The following CDK5RAP2 variants were observed in gnomAD, a reference collection of about 807,000 sequenced individuals.
The protein encoded by CDK5RAP2 is CDK5 regulatory subunit-associated protein 2.
CDK5RAP2 carries 147 observed loss-of-function variants against 232.9 expected under a neutral mutation model. The observed-to-expected ratio is 0.63, with a 90% confidence interval of 0.55 to 0.72. The LOEUF is 0.72. CDK5RAP2 is among the 30% of genes least tolerant of loss of function. The probability of loss-of-function intolerance (pLI) is 0.00; values close to 1 mark genes in which losing one functional copy is unlikely to be tolerated. For synonymous variants in CDK5RAP2, 833 were observed against 833.7 expected (o/e 1.00, Z 0.01); for missense variants, 2,195 against 2,231.5 (o/e 0.98, Z 0.33).
intron 7 of CDK5RAP2, among the ~76,000 whole-genome samples, chr9:120,535,975 C>T (rs1186012303): frequency 6.6e-6 from 1 of 152,218 alleles, no homozygotes; most frequent in Admixed American, 6.5e-5. Flanking sequence ...GAAATTTCCT[C>T]TGATAGTGCC....
At chr9:120,426,886 T>C (rs1392939752) in intron 25 of CDK5RAP2, among the ~76,000 whole-genome samples, 4 of 152,224 alleles carry the variant, frequency 2.6e-5, no homozygotes, top group Non-Finnish European at 5.9e-5. Context: ...AGGATCTCTA[T>C]TTTAGTGTTA....
chr9:120,531,130 A>G (rs889230148), intron 7 of CDK5RAP2, among the ~76,000 whole-genome samples: 1 of 151,848 alleles, frequency 6.6e-6, no homozygotes, highest in Non-Finnish European at 1.5e-5. Context: ...CTCATCTCTC[A>G]CGGGAAACCA....
intron 12 of CDK5RAP2, among the ~76,000 whole-genome samples, chr9:120,496,562 G>A (rs1286411431): frequency 1.1e-4 from 17 of 151,094 alleles, no homozygotes; most frequent in African/African-American, 4.1e-4. Context: ...AGGGAGGTGG[G>A]GGGGTCGGCC....
intron 7 of CDK5RAP2, 118 bp downstream of exon 7, chr9:120,536,254 C>T: frequency 8.9e-7 from 1 of 1,126,020 alleles, no homozygotes; most frequent in Non-Finnish European, 1.3e-6. Context: ...ATTAGTCACT[C>T]AAGTCCTATG....
At chr9:120,425,478 G>A (rs7850109) in intron 25 of CDK5RAP2, among the ~76,000 whole-genome samples, 4 of 152,174 alleles carry the variant, frequency 2.6e-5, no homozygotes, top group Admixed American at 2.6e-4. Flanking sequence ...GATGTGTAGT[G>A]TGAGACAATA....
intron 3 of CDK5RAP2, among the ~76,000 whole-genome samples, chr9:120,552,470 T>C (rs1232354425): frequency 6.6e-6 from 1 of 151,922 alleles, no homozygotes; most frequent in Non-Finnish European, 1.5e-5. Context: ...TAGACTGGAT[T>C]AAGAAAATGT....
chr9:120,546,780 T>G lies in CDK5RAP2; in HGVS notation c.307-990A>C, dbSNP rs888890707. On this transcript the variant is annotated intron_variant, in intron 4 of 37. Coordinates refer to ENST00000349780, the MANE Select transcript of CDK5RAP2 (RefSeq NM_018249.6). ...TCCTGAGTATCTGGGACTATAGGCG[T>G]GCACTGCCACACCCGTCTTTTCGTT... Among the ~76,000 whole-genome samples, 4 of 152,106 alleles carry G rather than the reference T, an allele frequency of 2.6e-5. No homozygotes were observed. The South Asian group carries it at 6.2e-4, about 24-fold the overall frequency.
chr9:120,524,638 A>T (rs1204586764), intron 11 of CDK5RAP2, among the ~76,000 whole-genome samples: 1 of 138,582 alleles, frequency 7.2e-6, no homozygotes, highest in Non-Finnish European at 1.5e-5. Context: ...ACTCTGTCTT[A>T]AAAAAAAAAA....
intron 10 of CDK5RAP2, among the ~76,000 whole-genome samples, chr9:120,526,031 T>C (rs913398821): frequency 6.6e-6 from 1 of 152,228 alleles, no homozygotes; most frequent in South Asian, 2.1e-4. Context: ...CAACTATTCC[T>C]TCTGTCCCCT....
intron 11 of CDK5RAP2, among the ~76,000 whole-genome samples, chr9:120,524,635 C>CT (rs1251738062): frequency 1.3e-5 from 2 of 148,896 alleles, no homozygotes; most frequent in Admixed American, 1.3e-4. Context: ...GGGACTCTGT[C>CT]TTAAAAAAAA....
chr9:120,487,287 A>G lies in CDK5RAP2; in HGVS notation c.1626+7T>C. 1.2e-6 allele frequency: 2 copies of G among 1,614,072 alleles called. No individual in the cohort carries two copies. ...GCATGTGAATGTCCAATTTCAGTCA[A>G]GCTTACCTTAGAGAAGATGGTTTTG... On this transcript the variant is annotated splice_region_variant and intron_variant, in intron 14 of 37. Transcript: ENST00000349780.
At chr9:120,440,140 TC>T (rs2035815507) in intron 23 of CDK5RAP2, among the ~76,000 whole-genome samples, 168 bp from the exon 24 acceptor site, 1 of 151,958 alleles carries the variant, frequency 6.6e-6, no homozygotes, top group Non-Finnish European at 1.5e-5. Context: ...CTCCAGTCTT[TC>T]CTAACAAGCC....
intron 12 of CDK5RAP2, among the ~76,000 whole-genome samples, chr9:120,506,765 G>A (rs1291135663): frequency 1.3e-5 from 2 of 152,206 alleles, no homozygotes; most frequent in Non-Finnish European, 2.9e-5. Context: ...TCATGATAAA[G>A]CTTGAACAGA....
intron 10 of CDK5RAP2, among the ~76,000 whole-genome samples, chr9:120,526,454 T>A (rs2040904109): frequency 6.6e-6 from 1 of 152,102 alleles, no homozygotes; most frequent in African/African-American, 2.4e-5. Context: ...CTACATCTAA[T>A]CCTCAAATTT....
chr9:120,557,125 G>T (rs765704952), intron 3 of CDK5RAP2, among the ~76,000 whole-genome samples: 5 of 152,130 alleles, frequency 3.3e-5, no homozygotes, highest in African/African-American at 9.7e-5. Context: ...AGCAAAATAC[G>T]CCTTTAGAAG....
intron 3 of CDK5RAP2, 47 bp downstream of exon 3, chr9:120,568,274 C>A: frequency 7.1e-7 from 1 of 1,404,298 alleles, no homozygotes. Flanking sequence ...TGGACAGTGG[C>A]AGCAGACACA....
At chr9:120,477,488 A>C in intron 14 of CDK5RAP2, 38 bp from the exon 15 acceptor site, 2 of 1,435,082 alleles carry the variant, frequency 1.4e-6, no homozygotes, top group Non-Finnish European at 2.0e-6. Flanking sequence ...TAAGGAAAGA[A>C]TTTTGAAAGA....
chr9:120,462,468 A>G (rs2037144863), intron 18 of CDK5RAP2, among the ~76,000 whole-genome samples: 1 of 152,170 alleles, frequency 6.6e-6, no homozygotes. Flanking sequence ...GTGTCCCAAC[A>G]AAGAATTGTA....
intron 5 of CDK5RAP2, among the ~76,000 whole-genome samples, chr9:120,541,102 T>G (rs2041613692): frequency 6.6e-6 from 1 of 152,202 alleles, no homozygotes; most frequent in African/African-American, 2.4e-5. Flanking sequence ...TTCCCGAGCC[T>G]TGGCTACAGG....
Sources: gnomAD v4.1 joint callset for allele counts (sites outside exome capture counted in the v4.1 genomes callset) on GRCh38, gnomAD v4.1.1 for gene constraint, MANE v1.5 for transcripts, NCBI Gene and HGNC (gene_info 2026-07-23, HGNC 2026-07-21) for gene names.